The following RBPMS variants were observed in gnomAD, a reference collection of about 807,000 sequenced individuals.
RBPMS encodes RNA-binding protein with multiple splicing.
In RBPMS, 7 loss-of-function variants were observed where a neutral mutation model predicts 26.8. The ratio of observed to expected loss-of-function variants is 0.26; its 90% confidence interval spans 0.15 to 0.49. The LOEUF (loss-of-function observed/expected upper bound fraction) is 0.49, where lower values mean the gene tolerates loss of function less well. Ranked by LOEUF, RBPMS falls within the 20% of genes least tolerant of loss-of-function variation. RBPMS has a pLI of 0.98. For missense variants in RBPMS, 186 were observed against 250.0 expected, an observed-to-expected ratio of 0.74 and a Z score of 1.73; for synonymous variants, 96 against 93.3, an observed-to-expected ratio of 1.03 and a Z score of -0.17.
At chr8:30,501,517 A>G (rs1171534058) in intron 4 of RBPMS, among the ~76,000 whole-genome samples, 1 of 152,128 alleles carries the variant, frequency 6.6e-6, no homozygotes, top group Non-Finnish European at 1.5e-5. Context: ...TCTGTAGATT[A>G]TATGGAACCT....
intron 6 of RBPMS, chr8:30,547,642 C>T (rs1585842575): frequency 7.3e-6 from 4 of 545,940 alleles, no homozygotes; most frequent in Non-Finnish European, 1.2e-5. Flanking sequence ...CATAGAAGGA[C>T]TCAGAACGAG....
chr8:30,518,457 G>T (rs1822586605), intron 5 of RBPMS, among the ~76,000 whole-genome samples: 1 of 151,774 alleles, frequency 6.6e-6, no homozygotes, highest in African/African-American at 2.4e-5. Context: ...ACAGAGTCTT[G>T]CTCTGTCTCT....
At chr8:30,469,367 C>T (rs1352904960) in intron 1 of RBPMS, among the ~76,000 whole-genome samples, 1 of 152,228 alleles carries the variant, frequency 6.6e-6, no homozygotes, top group Non-Finnish European at 1.5e-5. Context: ...CTGGCAATGC[C>T]ATTTAAGAAC....
chr8:30,480,887 A>G (rs1818202986), intron 4 of RBPMS, among the ~76,000 whole-genome samples: 1 of 152,228 alleles, frequency 6.6e-6, no homozygotes, highest in African/African-American at 2.4e-5. Context: ...CTTTAAAGTT[A>G]TGTTAGATGA....
intron 1 of RBPMS, among the ~76,000 whole-genome samples, chr8:30,437,498 T>C (rs1812601097): frequency 6.7e-6 from 1 of 149,456 alleles, no homozygotes; most frequent in Non-Finnish European, 1.5e-5. Context: ...CTACTAAAAA[T>C]GCAAAAATTA....
chr8:30,464,433 T>A (rs1047418333), intron 1 of RBPMS, among the ~76,000 whole-genome samples: 3 of 152,188 alleles, frequency 2.0e-5, no homozygotes, highest in African/African-American at 7.2e-5. Context: ...CACCCCAGCT[T>A]TCTAGTTCAC....
chr8:30,537,536 A>G (rs1441894125), intron 5 of RBPMS: 1 of 454,530 alleles, frequency 2.2e-6, no homozygotes, highest in Non-Finnish European at 4.4e-6. Flanking sequence ...AGAAAGACAT[A>G]GAGAATATGT....
chr8:30,493,842 TA>T (rs1467541946), intron 4 of RBPMS, among the ~76,000 whole-genome samples: 2 of 152,204 alleles, frequency 1.3e-5, no homozygotes, highest in Non-Finnish European at 2.9e-5. Context: ...CTTGACATGT[TA>T]AAGATTGCGT....
At position 30,504,446 on chromosome 8, in the gene RBPMS, T is replaced by A. The variant is rs1290230451; in HGVS notation, c.397+10T>A. ...ATTGCCAGAGAGCCATGTAAGTCGA[T>A]CTACTTTTCATTCAAAAGTAATAAT... On this transcript the variant is annotated intron_variant, in intron 5 of 8. Transcript: ENST00000397323. 6.2e-7 allele frequency: 1 copy of A among 1,612,914 alleles called. No homozygotes were observed. Among genetic ancestry groups the A allele is most frequent in the Non-Finnish European group, 8.5e-7 (1 of 1,178,964 alleles).
At chr8:30,490,695 G>A (rs926693973) in intron 4 of RBPMS, among the ~76,000 whole-genome samples, 3 of 152,126 alleles carry the variant, frequency 2.0e-5, no homozygotes, top group Non-Finnish European at 4.4e-5. Context: ...TGAACTCCTG[G>A]ACCTCGTGAT....
chr8:30,385,167 C>G lies in RBPMS; in HGVS notation c.66+9C>G. On this transcript the variant is annotated intron_variant, in intron 1 of 8. Coordinates refer to ENST00000397323, the MANE Select transcript of RBPMS (RefSeq NM_001008710.3). ...ACCTTCAGGAGGAGGAGGTACTGGG[C>G]GGCTCGGTGTGGTGGCGGGGGCGAC... The G allele has an allele frequency of 6.7e-7, 1 of 1,491,828 alleles. No individual in the cohort carries two copies. The highest frequency in any genetic ancestry group is 8.9e-7 in the Non-Finnish European group (1 of 1,119,040). The allele number at this position is 1,491,828 out of a possible 1,614,324, so 92.4% of individuals were successfully genotyped here.
At chr8:30,535,262 C>T (rs1046746085) in intron 5 of RBPMS, among the ~76,000 whole-genome samples, 1 of 152,146 alleles carries the variant, frequency 6.6e-6, no homozygotes, top group Non-Finnish European at 1.5e-5. Context: ...TTTGTAATAT[C>T]GTTAATTTTA....
intron 1 of RBPMS, among the ~76,000 whole-genome samples, chr8:30,430,392 T>TC (rs1811804055): frequency 6.6e-6 from 1 of 152,212 alleles, no homozygotes; most frequent in South Asian, 2.1e-4. Context: ...ACCAAGGTAT[T>TC]TGCAAGCTGA....
intron 5 of RBPMS, among the ~76,000 whole-genome samples, chr8:30,540,612 C>T (rs891035397): frequency 2.0e-5 from 3 of 152,006 alleles, no homozygotes; most frequent in African/African-American, 4.8e-5. Flanking sequence ...TTTTAAGATA[C>T]GGGGTCTCGC....
At chr8:30,425,350 C>A (rs1183021027) in intron 1 of RBPMS, among the ~76,000 whole-genome samples, 2 of 152,070 alleles carry the variant, frequency 1.3e-5, no homozygotes, top group Non-Finnish European at 2.9e-5. Flanking sequence ...CTCTCTGCAT[C>A]CATAATTTAA....
intron 1 of RBPMS, among the ~76,000 whole-genome samples, chr8:30,436,466 C>T (rs1343446922): frequency 6.6e-6 from 1 of 152,224 alleles, no homozygotes; most frequent in Non-Finnish European, 1.5e-5. Flanking sequence ...CCTCCCTCAA[C>T]TACTTTCATA....
chr8:30,568,093 C>T (rs944812133), intron 8 of RBPMS, among the ~76,000 whole-genome samples: 1 of 152,132 alleles, frequency 6.6e-6, no homozygotes, highest in Non-Finnish European at 1.5e-5. Flanking sequence ...TTCAATGACA[C>T]GTTTGAAAAT....
chr8:30,457,934 G>A (rs547368295), intron 1 of RBPMS, among the ~76,000 whole-genome samples: 1 of 152,290 alleles, frequency 6.6e-6, no homozygotes, highest in East Asian at 1.9e-4. Context: ...TAACAAGGTA[G>A]CATTTGAGGA....
chr8:30,426,186 CA>C (rs1316131025), intron 1 of RBPMS, among the ~76,000 whole-genome samples: 1 of 152,212 alleles, frequency 6.6e-6, no homozygotes, highest in African/African-American at 2.4e-5. Flanking sequence ...CATGTCCCAC[CA>C]GGGGCCAAAT....
Sources: allele counts gnomAD v4.1 joint callset (sites outside exome capture counted in the v4.1 genomes callset), GRCh38; gene constraint gnomAD v4.1.1; transcripts MANE v1.5; gene names NCBI Gene and HGNC (gene_info 2026-07-23, HGNC 2026-07-21).